The following SEMA5A variants were observed in gnomAD, a reference collection of about 807,000 sequenced individuals.
SEMA5A encodes the protein semaphorin 5A.
A neutral mutation model predicts 135.5 loss-of-function variants in SEMA5A; 55 were observed. The ratio of observed to expected loss-of-function variants is 0.41; its 90% CI spans 0.33 to 0.51. SEMA5A has a LOEUF of 0.51. Ranked by LOEUF, SEMA5A falls within the 20% of genes least tolerant of loss-of-function variation. The pLI, the probability that SEMA5A is intolerant of heterozygous loss-of-function variation, is 0.37. For synonymous variants in SEMA5A, 580 were observed against 546.5 expected (o/e 1.06, Z -0.85); for missense variants, 1,290 against 1,419.9 (o/e 0.91, Z 1.47).
chr5:9,516,514 G>A (rs1440874120), intron 1 of SEMA5A: 1 of 151,800 alleles, frequency 6.6e-6, no homozygotes, highest in East Asian at 1.9e-4. Context: ...ATTTTAAAAT[G>A]TAGAAAACTG....
At chr5:9,289,099 C>T (rs1268453190) in intron 5 of SEMA5A, among the ~76,000 whole-genome samples, 3 of 152,156 alleles carry the variant, frequency 2.0e-5, no homozygotes, top group Non-Finnish European at 4.4e-5. Context: ...CTCCCACATC[C>T]TCATCAATGA....
At chr5:9,224,631 A>G (rs1163552876) in intron 8 of SEMA5A, 43 bp downstream of exon 8, 1 of 1,577,706 alleles carries the variant, frequency 6.3e-7, no homozygotes, top group Admixed American at 1.7e-5. Context: ...ACCAGGAATC[A>G]AAGACAAATG....
chr5:9,532,298 C>T (rs1737490332), intron 1 of SEMA5A, among the ~76,000 whole-genome samples: 1 of 151,858 alleles, frequency 6.6e-6, no homozygotes. Context: ...CAGAGTCTCG[C>T]TCTATCGCCC....
intron 3 of SEMA5A, among the ~76,000 whole-genome samples, chr5:9,346,368 C>T (rs893254873): frequency 6.6e-6 from 1 of 152,114 alleles, no homozygotes; most frequent in Admixed American, 6.5e-5. Context: ...CCCTTCAGTT[C>T]GCTCATGTAA....
Position 9,039,498 on chromosome 5 carries a change from C to T in SEMA5A, c.*3399G>A, listed in dbSNP as rs1735843222. ...CTTTTCAATTCCTTTAGAACCTCAG[C>T]CCCACACATACATTTATTAAATGTT... On this transcript the variant is annotated 3_prime_UTR_variant, in exon 23 of 23. Transcript: ENST00000382496. 6.6e-6 allele frequency: 1 copy of T among 152,130 alleles called. No homozygotes were observed. The highest frequency in any genetic ancestry group is 2.4e-5 in the African/African-American group (1 of 41,368). 9.4% of individuals were successfully genotyped at this position (152,130 alleles called of 1,614,324 possible). A position where few individuals can be genotyped will look rare whatever the true frequency, so the allele number is the denominator to read the frequency against.
chr5:9,118,772 G>A (rs1443005647), intron 15 of SEMA5A, among the ~76,000 whole-genome samples: 1 of 152,166 alleles, frequency 6.6e-6, no homozygotes, highest in Non-Finnish European at 1.5e-5. Context: ...TTGCTCAGCG[G>A]AGCCAGCCCA....
chr5:9,239,320 T>A (rs948719492), intron 5 of SEMA5A, among the ~76,000 whole-genome samples: 15 of 152,148 alleles, frequency 9.9e-5, no homozygotes, highest in African/African-American at 3.4e-4. Flanking sequence ...TGTTTGATGG[T>A]AACAATACAG....
chr5:9,317,838 CTTCAT>C (rs1258878172), intron 5 of SEMA5A, among the ~76,000 whole-genome samples: 2 of 152,118 alleles, frequency 1.3e-5, no homozygotes, highest in African/African-American at 4.8e-5. Context: ...AAAATAAATA[CTTCAT>C]TTAAGTACAA....
intron 7 of SEMA5A, among the ~76,000 whole-genome samples, chr5:9,225,314 G>A (rs545942420): frequency 6.7e-6 from 1 of 149,008 alleles, no homozygotes; most frequent in Admixed American, 6.8e-5. Flanking sequence ...AGCACTTTGG[G>A]AGGCTGAAGC....
chr5:9,448,197 G>A (rs1758503128), intron 1 of SEMA5A, among the ~76,000 whole-genome samples: 1 of 152,096 alleles, frequency 6.6e-6, no homozygotes, highest in African/African-American at 2.4e-5. Flanking sequence ...GCTATCCTAT[G>A]GACCTAACAT....
At chr5:9,319,133 G>A (rs1752518321) in intron 4 of SEMA5A, among the ~76,000 whole-genome samples, 1 of 152,218 alleles carries the variant, frequency 6.6e-6, no homozygotes, top group Non-Finnish European at 1.5e-5. Context: ...GGTCCTGGGA[G>A]GTGGAGGTTG....
At chr5:9,173,279 G>GTTTTTTT (rs35531350) in intron 11 of SEMA5A, among the ~76,000 whole-genome samples, 1 of 121,816 alleles carries the variant, frequency 8.2e-6, no homozygotes, top group Non-Finnish European at 1.7e-5. Context: ...TCTTCACCCG[G>GTTTTTTT]TTTTTTTTTT....
chr5:9,112,310 T>C (rs1740285756), intron 15 of SEMA5A, among the ~76,000 whole-genome samples: 1 of 152,238 alleles, frequency 6.6e-6, no homozygotes, highest in Non-Finnish European at 1.5e-5. Flanking sequence ...CTCAGCACTA[T>C]ATCATGCAAT....
At chr5:9,403,760 AT>A (rs1181749853) in intron 2 of SEMA5A, among the ~76,000 whole-genome samples, 1 of 152,162 alleles carries the variant, frequency 6.6e-6, no homozygotes, top group African/African-American at 2.4e-5. Context: ...CAAAGAACTT[AT>A]TAAAATAGGA....
At chr5:9,387,456 C>T (rs575122962) in intron 2 of SEMA5A, among the ~76,000 whole-genome samples, 59 of 152,132 alleles carry the variant, frequency 3.9e-4, no homozygotes, top group Non-Finnish European at 7.1e-4. Context: ...TTTATGAAAT[C>T]GAAGTAGGAA....
At chr5:9,420,426 A>G (rs17323765) in intron 2 of SEMA5A, among the ~76,000 whole-genome samples, 46,938 of 152,000 alleles carry the variant, frequency 0.31, 8,268 homozygotes, top group Non-Finnish European at 0.4. Context: ...GCACAGGGTT[A>G]CTCCTATGCT....
intron 3 of SEMA5A, among the ~76,000 whole-genome samples, chr5:9,344,730 T>A (rs531747542): frequency 2.0e-5 from 3 of 152,358 alleles, no homozygotes; most frequent in African/African-American, 7.2e-5. Context: ...TGCTAAACCT[T>A]ACTTTTGCTT....
At chr5:9,338,490 T>A (rs138268382) in intron 3 of SEMA5A, among the ~76,000 whole-genome samples, 2 of 152,162 alleles carry the variant, frequency 1.3e-5, no homozygotes, top group African/African-American at 2.4e-5. Flanking sequence ...GTCCGATAAT[T>A]ATAAAATGAC....
chr5:9,213,479 G>A (rs979782955), intron 8 of SEMA5A, among the ~76,000 whole-genome samples: 2 of 152,164 alleles, frequency 1.3e-5, no homozygotes, highest in African/African-American at 4.8e-5. Context: ...AGGTGGTGAG[G>A]CTTGGGTTCC....
Sources: allele counts gnomAD v4.1 joint callset (sites outside exome capture counted in the v4.1 genomes callset), GRCh38; gene constraint gnomAD v4.1.1; transcripts MANE v1.5; gene names NCBI Gene and HGNC (gene_info 2026-07-23, HGNC 2026-07-21).